Variants in ERBB4 observed in about 807,000 individuals in gnomAD.
ERBB4 encodes the protein erb-b2 receptor tyrosine kinase 4.
A neutral mutation model predicts 158.0 loss-of-function variants in ERBB4; 42 were observed. The observed-to-expected ratio is 0.27, with a 90% confidence interval of 0.21 to 0.34. The LOEUF is 0.34. Ranked by LOEUF, ERBB4 falls within the 10% of genes least tolerant of loss-of-function variation. ERBB4 has a pLI of 1.00. For synonymous variants in ERBB4, 583 were observed against 558.7 expected (o/e 1.04, Z -0.61); for missense variants, 1,333 against 1,624.1 (o/e 0.82, Z 3.08).
chr2:211,658,380 TA>T (rs140947685), intron 15 of ERBB4, among the ~76,000 whole-genome samples: 15,499 of 151,218 alleles, frequency 0.1, 914 homozygotes, highest in African/African-American at 0.12. Flanking sequence ...TAAGTTTAAA[TA>T]AAAAAAAAAC....
At chr2:211,660,674 A>G (rs777551133) in intron 15 of ERBB4, among the ~76,000 whole-genome samples, 5 of 152,210 alleles carry the variant, frequency 3.3e-5, no homozygotes, top group Admixed American at 2.6e-4. Flanking sequence ...ATAATGATCA[A>G]TCTTGAAATA....
chr2:211,662,018 G>A (rs1469157158), intron 15 of ERBB4, among the ~76,000 whole-genome samples: 2 of 100,688 alleles, frequency 2.0e-5, no homozygotes, highest in Non-Finnish European at 3.5e-5. Flanking sequence ...CAGCCTGGGC[G>A]ACAGAGCGGG....
chr2:212,131,182 G>GC (rs1426314182), intron 1 of ERBB4, among the ~76,000 whole-genome samples: 2 of 152,140 alleles, frequency 1.3e-5, no homozygotes, highest in Non-Finnish European at 2.9e-5. Flanking sequence ...CACTTCCACT[G>GC]CTATAGTCAT....
intron 1 of ERBB4, among the ~76,000 whole-genome samples, chr2:212,405,593 T>C (rs2091323383): frequency 6.6e-6 from 1 of 152,098 alleles, no homozygotes; most frequent in African/African-American, 2.4e-5. Flanking sequence ...TAGGACAGCC[T>C]GGAAAGGCCT....
intron 1 of ERBB4, among the ~76,000 whole-genome samples, chr2:212,369,481 TC>T (rs144315786): frequency 0.023 from 3,458 of 152,260 alleles, 143 homozygotes; most frequent in African/African-American, 0.079. Context: ...AATTAATAAT[TC>T]CCGTTATCAT....
chr2:211,814,666 G>C (rs75721326), intron 3 of ERBB4, among the ~76,000 whole-genome samples: 66 of 152,012 alleles, frequency 4.3e-4, no homozygotes, highest in Non-Finnish European at 6.3e-4. Flanking sequence ...ACAAAGAAAA[G>C]GGTCCTTTGG....
At chr2:212,281,689 T>C (rs2085764980) in intron 1 of ERBB4, among the ~76,000 whole-genome samples, 1 of 151,848 alleles carries the variant, frequency 6.6e-6, no homozygotes, top group Non-Finnish European at 1.5e-5. Flanking sequence ...GAAGTCTCTA[T>C]GGCACATTAT....
At chr2:211,426,307 G>A (rs2063626218) in intron 22 of ERBB4, among the ~76,000 whole-genome samples, 1 of 152,088 alleles carries the variant, frequency 6.6e-6, no homozygotes, top group Non-Finnish European at 1.5e-5. Flanking sequence ...TTTATCTTAA[G>A]ATGTATATCA....
Position 211,428,457 on chromosome 2 carries a change from C to G in ERBB4, c.2670G>C (p.Glu890Asp). The G allele has an allele frequency of 6.3e-7, 1 of 1,583,132 alleles. No homozygotes were observed. Among genetic ancestry groups the G allele is most frequent in the Non-Finnish European group, 8.7e-7 (1 of 1,152,692 alleles). Residue 890 changes from glutamate (E) to aspartate (D), a missense_variant, in exon 22 of 28, where the codon GAG (glutamate) becomes GAC (aspartate). Glu to Asp is a conservative substitution (Grantham distance 45, BLOSUM62 2). Coordinates refer to ENST00000342788, the MANE Select transcript of ERBB4 (RefSeq NM_005235.3). ...GKMPIKWMALECIHYRKFTHQ... is the reference protein window; with the variant it reads ...GKMPIKWMALDCIHYRKFTHQ... ...GGGTGAATTTCCTGTAATGTATACA[C>G]TCCAGAGCCATCCATTTAATTGGCA...
intron 1 of ERBB4, among the ~76,000 whole-genome samples, chr2:212,312,998 A>C (rs947594037): frequency 6.6e-6 from 1 of 150,978 alleles, no homozygotes; most frequent in African/African-American, 2.4e-5. Flanking sequence ...TTTAATTTTC[A>C]AAGTACAGTG....
intron 1 of ERBB4, among the ~76,000 whole-genome samples, chr2:212,323,197 C>T (rs555575912): frequency 4.0e-5 from 6 of 150,484 alleles, no homozygotes; most frequent in South Asian, 2.1e-4. Flanking sequence ...CCAAAAGAAC[C>T]TCTTTTGACT....
In ERBB4 at chr2:211,617,931, G is replaced by A. The variant is rs191529797; in HGVS notation, c.2301+1246C>T. Reference sequence around the variant, plus strand: ...TCTTTGATAGAACCCCTGGCAAGATGTCTTGTATTGAATGTGAAAAAATAA... The same window carrying A: ...TCTTTGATAGAACCCCTGGCAAGATATCTTGTATTGAATGTGAAAAAATAA... On this transcript the variant is annotated intron_variant, in intron 19 of 27. Transcript: ENST00000342788. Among the ~76,000 whole-genome samples, 815 of 152,160 alleles carry A rather than the reference G, an allele frequency of 5.4e-3. 6 individuals carry two copies. Among genetic ancestry groups the A allele is most frequent in the Non-Finnish European group, 8.3e-3 (563 of 67,948 alleles).
rs73989220 is a variant in ERBB4, at chr2:211,868,955, T to G, written c.421+78475A>C. On this transcript the variant is annotated intron_variant, in intron 3 of 27. Coordinates refer to ENST00000342788, the MANE Select transcript of ERBB4 (RefSeq NM_005235.3). ...CCTAACCATGATGCTTGTCTTGATT[T>G]TTTTCTAAACCTCATTTCAATTTCA... Among the ~76,000 whole-genome samples, 558 of 152,298 alleles carry G rather than the reference T, an allele frequency of 3.7e-3. 6 individuals carry two copies. The highest frequency in any genetic ancestry group is 0.012 in the African/African-American group (513 of 41,570).
intron 19 of ERBB4, among the ~76,000 whole-genome samples, chr2:211,572,161 CTTTT>C (rs977265053): frequency 3.3e-5 from 5 of 152,070 alleles, no homozygotes; most frequent in African/African-American, 1.2e-4. Flanking sequence ...AAAAATACCG[CTTTT>C]TTTAATTAAC....
chr2:211,676,817 A>C (rs889049065), intron 13 of ERBB4, among the ~76,000 whole-genome samples: 11 of 29,884 alleles, frequency 3.7e-4, no homozygotes, highest in African/African-American at 2.8e-3. Flanking sequence ...TTAATTTATT[A>C]GTCTATTGTG....
At chr2:212,226,967 C>T (rs1234093539) in intron 1 of ERBB4, among the ~76,000 whole-genome samples, 1 of 152,012 alleles carries the variant, frequency 6.6e-6, no homozygotes, top group African/African-American at 2.4e-5. Flanking sequence ...TTCACAGGCC[C>T]GGGTGCAATG....
At chr2:212,524,529 G>A (rs918726669) in intron 1 of ERBB4, among the ~76,000 whole-genome samples, 1 of 151,920 alleles carries the variant, frequency 6.6e-6, no homozygotes, top group Non-Finnish European at 1.5e-5. Flanking sequence ...ACTCACTCTT[G>A]GGAAAATGTA....
At chr2:211,536,637 G>C (rs564547535) in intron 20 of ERBB4, among the ~76,000 whole-genome samples, 2 of 152,112 alleles carry the variant, frequency 1.3e-5, no homozygotes, top group African/African-American at 4.8e-5. Context: ...AAGATGGAGG[G>C]AGGTTCTTGA....
intron 19 of ERBB4, among the ~76,000 whole-genome samples, chr2:211,574,301 C>T (rs570870421): frequency 2.1e-4 from 32 of 152,272 alleles, no homozygotes; most frequent in Non-Finnish European, 2.9e-5. Context: ...AGCAGTATCT[C>T]TTCCCATCTC....
Sources: allele counts gnomAD v4.1 joint callset (sites outside exome capture counted in the v4.1 genomes callset), GRCh38; gene constraint gnomAD v4.1.1; transcripts MANE v1.5; gene names NCBI Gene and HGNC (gene_info 2026-07-23, HGNC 2026-07-21).